The following CACNA1E variants were observed in gnomAD, a reference collection of about 807,000 sequenced individuals.
CACNA1E encodes the protein calcium voltage-gated channel subunit alpha1 E, also known as voltage-dependent R-type calcium channel subunit alpha-1E.
In CACNA1E, 40 loss-of-function variants were observed where a neutral mutation model predicts 259.2. The ratio of observed to expected loss-of-function variants is 0.15; its 90% CI spans 0.12 to 0.20. CACNA1E has a LOEUF of 0.20. CACNA1E is among the 10% of genes least tolerant of loss of function. CACNA1E has a pLI of 1.00. For missense variants in CACNA1E, 1,874 were observed against 3,040.1 expected, an observed-to-expected ratio of 0.62 and a Z score of 9.02; for synonymous variants, 1,104 against 1,138.5, an observed-to-expected ratio of 0.97 and a Z score of 0.61.
Position 181,464,199 on chromosome 1 carries a change from C to T in CACNA1E, c.435-19545C>T, listed in dbSNP as rs537234352. ...ATTAATTCTCCCCAAATTGTCTTGGCTATTGGCTCTTTATTCATCATATGA... is the reference window on the plus strand; with the variant it reads ...ATTAATTCTCCCCAAATTGTCTTGGTTATTGGCTCTTTATTCATCATATGA... On this transcript the variant is annotated intron_variant, in intron 2 of 11. Transcript: ENST00000524607. 1.2e-4 allele frequency among the ~76,000 whole-genome samples: 18 copies of T among 152,208 alleles called. No homozygotes were observed. In the South Asian group the frequency reaches 3.5e-3, roughly 30 times the overall value.
At chr1:181,522,978 TTTTACATTCTG>T (rs1216427091) in intron 3 of CACNA1E, among the ~76,000 whole-genome samples, 1 of 152,214 alleles carries the variant, frequency 6.6e-6, no homozygotes, top group Non-Finnish European at 1.5e-5. Context: ...CCTGTTTTCA[TTTTACATTCTG>T]TTCTGAAATA....
chr1:181,710,271 C>T (rs1333978667), intron 7 of CACNA1E, among the ~76,000 whole-genome samples: 1 of 139,972 alleles, frequency 7.1e-6, no homozygotes, highest in Non-Finnish European at 1.5e-5. Flanking sequence ...TCTTATTTAA[C>T]TGACATCAGT....
chr1:181,530,390 A>G (rs1419496339), intron 3 of CACNA1E, among the ~76,000 whole-genome samples: 1 of 152,206 alleles, frequency 6.6e-6, no homozygotes, highest in Non-Finnish European at 1.5e-5. Context: ...ATATACATAC[A>G]GCACTAAATT....
At chr1:181,600,654 GAGCCGAGAGAAGGGGC>G (rs1653651809) in intron 6 of CACNA1E, among the ~76,000 whole-genome samples, 1 of 152,114 alleles carries the variant, frequency 6.6e-6, no homozygotes, top group Non-Finnish European at 1.5e-5. Flanking sequence ...CAAGATAGGG[GAGCCGAGAGAAGGGGC>G]AGGATGGTTG....
chr1:181,731,585 C>T (rs773274016), intron 19 of CACNA1E, among the ~76,000 whole-genome samples: 7 of 152,110 alleles, frequency 4.6e-5, no homozygotes, highest in Non-Finnish European at 1.0e-4. Flanking sequence ...CGCGTGTCCC[C>T]TTCACAGTTT....
At chr1:181,505,519 G>C (rs990122961) in intron 1 of CACNA1E, among the ~76,000 whole-genome samples, 1 of 151,952 alleles carries the variant, frequency 6.6e-6, no homozygotes, top group Admixed American at 6.6e-5. Flanking sequence ...CTACAGGTGC[G>C]TGCCACCATG....
chr1:181,734,826 G>C (rs1248802769), intron 21 of CACNA1E, among the ~76,000 whole-genome samples: 1 of 139,244 alleles, frequency 7.2e-6, no homozygotes, highest in African/African-American at 2.8e-5. Context: ...CCCTATCCTT[G>C]CCCTGACCCC....
At chr1:181,318,567 T>C (rs1455200729) in intron 1 of CACNA1E, among the ~76,000 whole-genome samples, 2 of 152,148 alleles carry the variant, frequency 1.3e-5, no homozygotes, top group African/African-American at 2.4e-5. Context: ...TTCGCAAGCC[T>C]TGGGGCCTCT....
At chr1:181,451,035 T>C (rs940201839) in intron 2 of CACNA1E, among the ~76,000 whole-genome samples, 2 of 152,214 alleles carry the variant, frequency 1.3e-5, no homozygotes, top group African/African-American at 4.8e-5. Flanking sequence ...CATTGATGGC[T>C]ACAGAGACAG....
chr1:181,458,216 T>C (rs1340643033), intron 2 of CACNA1E, among the ~76,000 whole-genome samples: 2 of 152,204 alleles, frequency 1.3e-5, no homozygotes, highest in African/African-American at 4.8e-5. Flanking sequence ...TGGGTGGGAA[T>C]ATCTTGCTGG....
chr1:181,606,673 C>T (rs1335951801), intron 6 of CACNA1E, among the ~76,000 whole-genome samples: 2 of 152,224 alleles, frequency 1.3e-5, no homozygotes, highest in Non-Finnish European at 2.9e-5. Context: ...GAAATACAGA[C>T]CCAAAGCTAA....
intron 7 of CACNA1E, among the ~76,000 whole-genome samples, chr1:181,683,574 T>C (rs1395564115): frequency 6.6e-6 from 1 of 152,202 alleles, no homozygotes. Flanking sequence ...GAGTTTATCA[T>C]TCCTCACTCT....
chr1:181,492,521 G>A (rs1664403785), intron 1 of CACNA1E, among the ~76,000 whole-genome samples: 2 of 152,166 alleles, frequency 1.3e-5, no homozygotes, highest in Admixed American at 6.5e-5. Context: ...GAATCCTGGT[G>A]CAATTGTCAT....
intron 3 of CACNA1E, among the ~76,000 whole-genome samples, chr1:181,557,828 A>T (rs1331150350): frequency 1.3e-5 from 2 of 152,200 alleles, no homozygotes; most frequent in Non-Finnish European, 2.9e-5. Context: ...ATGTTAAGAA[A>T]GTGAGATTGC....
Position 181,732,794 on chromosome 1 carries a change from A to T in CACNA1E, c.2708A>T (p.Glu903Val), listed in dbSNP as rs1655630047. The T allele has an allele frequency of 6.3e-7, 1 of 1,599,386 alleles. No individual in the cohort carries two copies. The highest frequency in any genetic ancestry group is 1.7e-5 in the Admixed American group (1 of 58,688). ...DPTQQEAGGG[E>V]AVVTFEDRAR... is the part of the protein sequence containing the mutation. The stretch of plus-strand genomic sequence containing the variant: ...ACTCAGCAGGAGGCAGGGGGAGGAG[A>T]GGCTGTGGTGACCTTTGAGGACCGG... The change falls in exon 20 of 48, where the codon GAG becomes GTG. Residue 903 changes from glutamate to valine, a missense_variant. By Grantham distance (121) the Glu-to-Val change is moderately radical. Around this residue, in one of 14 missense-constraint regions of CACNA1E, gnomAD observed 476 missense variants for 514.0 expected, o/e 0.93. Transcript: ENST00000367573. This position sits in a 1 kb window ranked among gnomAD's most constrained non-coding sequence, Gnocchi z 5.5.
At chr1:181,600,067 G>A (rs1653588603) in intron 6 of CACNA1E, among the ~76,000 whole-genome samples, 1 of 152,232 alleles carries the variant, frequency 6.6e-6, no homozygotes, top group Non-Finnish European at 1.5e-5. Flanking sequence ...GAGGCAGTAT[G>A]CTTCAGATGA....
At chr1:181,739,585 G>T (rs1027519139) in intron 25 of CACNA1E, among the ~76,000 whole-genome samples, 2 of 152,172 alleles carry the variant, frequency 1.3e-5, no homozygotes, top group African/African-American at 4.8e-5. Flanking sequence ...ATGGACCCAG[G>T]AACAGCTTAT....
intron 1 of CACNA1E, among the ~76,000 whole-genome samples, chr1:181,356,322 C>T (rs1653430030): frequency 6.6e-6 from 1 of 150,590 alleles, no homozygotes; most frequent in Non-Finnish European, 1.5e-5. Flanking sequence ...ACTGTATTCC[C>T]TGGCTGTTGC....
chr1:181,733,740 C>A lies in CACNA1E; in HGVS notation c.3252C>A (p.Thr1084=). 6.4e-7 allele frequency: 1 copy of A among 1,550,402 alleles called. No homozygotes were observed. Residue 1084 remains threonine, a synonymous_variant, in exon 21 of 48, where the codon ACC becomes ACA. Coordinates refer to ENST00000367573, the MANE Select transcript of CACNA1E (RefSeq NM_001205293.3). ...IPDVDPLVDS[T]VVHISNKTDG... ...ACGTGGACCCCTTGGTGGACTCAACCGTGGTGCACAGTGAGAGCACAGTCC... is the reference window on the plus strand; with the variant it reads ...ACGTGGACCCCTTGGTGGACTCAACAGTGGTGCACAGTGAGAGCACAGTCC...
Sources: allele counts gnomAD v4.1 joint callset (sites outside exome capture counted in the v4.1 genomes callset), GRCh38; gene constraint gnomAD v4.1.1; regional missense constraint gnomAD v4.1.1; non-coding constraint Gnocchi (gnomAD v3.1); transcripts MANE v1.5; gene names NCBI Gene and HGNC (gene_info 2026-07-23, HGNC 2026-07-21).